ARHGAP6: variants seen among roughly 807,000 people sequenced by gnomAD.
The protein encoded by ARHGAP6 is rho GTPase-activating protein 6.
A neutral mutation model predicts 55.7 loss-of-function variants in ARHGAP6; 16 were observed. That is an observed-to-expected ratio of 0.29 (90% CI 0.19 to 0.44). The LOEUF is 0.44. Among genes scored for constraint, ARHGAP6 ranks in the 20% least tolerant of loss-of-function variants. The pLI, the probability that ARHGAP6 is intolerant of heterozygous loss-of-function variation, is 1.00. For missense variants in ARHGAP6, 698 were observed against 808.9 expected, an observed-to-expected ratio of 0.86 and a Z score of 1.66; for synonymous variants, 382 against 360.9, an observed-to-expected ratio of 1.06 and a Z score of -0.66.
intron 1 of ARHGAP6, among the ~76,000 whole-genome samples, chrX:11,573,905 C>A (rs976775434): frequency 9.0e-6 from 1 of 111,281 alleles, no homozygotes; most frequent in African/African-American, 3.3e-5. Flanking sequence ...CCTTCACGTC[C>A]CTTGTAAGTT....
chrX:11,307,027 G>A (rs928096554), intron 1 of ARHGAP6, among the ~76,000 whole-genome samples: 14 of 111,349 alleles, frequency 1.3e-4, no homozygotes, highest in Admixed American at 9.5e-4. Context: ...CCTGCTCATG[G>A]ATGGTCCTCA....
intron 1 of ARHGAP6, among the ~76,000 whole-genome samples, chrX:11,311,989 C>T (rs1314426816): frequency 2.0e-5 from 2 of 98,014 alleles, no homozygotes; most frequent in Non-Finnish European, 4.3e-5. Context: ...AAATATGAGG[C>T]TGATAAAAAA....
chrX:11,481,973 T>G (rs1433686266), intron 1 of ARHGAP6, among the ~76,000 whole-genome samples: 1 of 112,104 alleles, frequency 8.9e-6, no homozygotes, highest in African/African-American at 3.2e-5. Context: ...GTTCATAGAG[T>G]TCCACAGCTT....
At chrX:11,639,062 G>A (rs984987309) in intron 1 of ARHGAP6, among the ~76,000 whole-genome samples, 3 of 111,092 alleles carry the variant, frequency 2.7e-5, no homozygotes, top group Non-Finnish European at 3.8e-5. Context: ...TAAACCCAGA[G>A]TCTAAGGAAT....
chrX:11,264,328 G>A (rs372932873), intron 1 of ARHGAP6, among the ~76,000 whole-genome samples: 8 of 111,706 alleles, frequency 7.2e-5, no homozygotes, highest in South Asian at 3.8e-4. Context: ...CTGGGTTACC[G>A]ATAAACTAAA....
chrX:11,390,967 T>C (rs2049396527), intron 1 of ARHGAP6, among the ~76,000 whole-genome samples: 1 of 112,187 alleles, frequency 8.9e-6, no homozygotes, highest in African/African-American at 3.2e-5. Flanking sequence ...TTACTGGGTA[T>C]ATACCCAAAG....
chrX:11,644,186 G>A (rs757711205), intron 1 of ARHGAP6, among the ~76,000 whole-genome samples: 3 of 111,131 alleles, frequency 2.7e-5, no homozygotes, highest in African/African-American at 9.8e-5. Flanking sequence ...ATCATGGAGA[G>A]GCCCAGAACC....
chrX:11,640,376 G>A (rs1486850188), intron 1 of ARHGAP6, among the ~76,000 whole-genome samples: 2 of 111,520 alleles, frequency 1.8e-5, no homozygotes, highest in Non-Finnish European at 3.8e-5. Context: ...AAAAATTCTC[G>A]TACACTGGAG....
intron 1 of ARHGAP6, among the ~76,000 whole-genome samples, chrX:11,546,087 A>T (rs755425254): frequency 8.1e-5 from 9 of 111,105 alleles, no homozygotes; most frequent in Non-Finnish European, 1.7e-4. Context: ...ATGAACTATG[A>T]TTTAAGGGTT....
At chrX:11,205,388 C>A (rs1429239056) in intron 2 of ARHGAP6, among the ~76,000 whole-genome samples, 1 of 111,418 alleles carries the variant, frequency 9.0e-6, no homozygotes, top group Non-Finnish European at 1.9e-5. Context: ...AAAATATAGA[C>A]CTTGCCAAAT....
chrX:11,349,043 G>GTTT (rs755689676), intron 1 of ARHGAP6, among the ~76,000 whole-genome samples: 17 of 92,653 alleles, frequency 1.8e-4, no homozygotes, highest in African/African-American at 3.1e-4. Context: ...TGTTATTCCT[G>GTTT]TTTTTTTTTT....
intron 1 of ARHGAP6, among the ~76,000 whole-genome samples, chrX:11,331,326 T>A (rs556754723): frequency 1.8e-5 from 2 of 111,722 alleles, no homozygotes; most frequent in African/African-American, 6.5e-5. Context: ...AATCAGACCC[T>A]TTCTGTCCAA....
chrX:11,532,806 A>T (rs1324927670), intron 1 of ARHGAP6, among the ~76,000 whole-genome samples: 1 of 112,035 alleles, frequency 8.9e-6, no homozygotes, highest in African/African-American at 3.2e-5. Flanking sequence ...CAGACCAGAA[A>T]GTCCACAAAG....
intron 1 of ARHGAP6, among the ~76,000 whole-genome samples, chrX:11,516,087 T>A (rs113557216): frequency 0.096 from 10,777 of 112,353 alleles, 604 homozygotes; most frequent in African/African-American, 0.2. Flanking sequence ...CTCTCTCTGC[T>A]ACCATGTTTT....
intron 1 of ARHGAP6, among the ~76,000 whole-genome samples, chrX:11,364,216 GGAGGAGAGT>G (rs1168897688): frequency 1.8e-5 from 2 of 110,269 alleles, no homozygotes; most frequent in African/African-American, 6.6e-5. Flanking sequence ...GTGGAGGGTG[GGAGGAGAGT>G]GAGGATCGAA....
At chrX:11,269,637 G>T (rs906238993) in intron 1 of ARHGAP6, among the ~76,000 whole-genome samples, 16 of 111,414 alleles carry the variant, frequency 1.4e-4, no homozygotes, top group African/African-American at 5.2e-4. Context: ...ATATAAAAAT[G>T]CAAATTGTGA....
intron 2 of ARHGAP6, among the ~76,000 whole-genome samples, chrX:11,212,356 C>A (rs1274137634): frequency 8.9e-6 from 1 of 112,015 alleles, no homozygotes; most frequent in Non-Finnish European, 1.9e-5. Context: ...AACTCTGCAG[C>A]CTATACAGAG....
intron 1 of ARHGAP6, among the ~76,000 whole-genome samples, chrX:11,356,025 C>T (rs1482349945): frequency 8.9e-6 from 1 of 111,818 alleles, no homozygotes; most frequent in Non-Finnish European, 1.9e-5. Context: ...TCCATTCCCT[C>T]CCCATGCTGG....
intron 1 of ARHGAP6, among the ~76,000 whole-genome samples, chrX:11,363,988 G>A (rs1304510462): frequency 2.7e-5 from 3 of 112,144 alleles, no homozygotes; most frequent in Non-Finnish European, 5.6e-5. Context: ...TAAAGAAAAT[G>A]TGGTACATAT....
Sources: gnomAD v4.1 joint callset for allele counts (sites outside exome capture counted in the v4.1 genomes callset) on GRCh38, gnomAD v4.1.1 for gene constraint, MANE v1.5 for transcripts, NCBI Gene and HGNC (gene_info 2026-07-23, HGNC 2026-07-21) for gene names.